The following ANKRD17 variants were observed in gnomAD, a reference collection of about 807,000 sequenced individuals.
ANKRD17 encodes ankyrin repeat domain-containing protein 17.
A neutral mutation model predicts 229.7 loss-of-function variants in ANKRD17; 19 were observed. The ratio of observed to expected loss-of-function variants is 0.08; its 90% CI spans 0.06 to 0.12. The LOEUF (loss-of-function observed/expected upper bound fraction) is 0.12, where lower values mean the gene tolerates loss of function less well. Ranked by LOEUF, ANKRD17 falls within the 10% of genes least tolerant of loss-of-function variation. ANKRD17 has a pLI of 1.00. For missense variants in ANKRD17, 2,176 were observed against 3,176.8 expected (o/e 0.68, Z 7.57); for synonymous variants, 1,112 against 1,146.1 (o/e 0.97, Z 0.60).
chr4:73,251,039 G>C (rs1042074226), intron 1 of ANKRD17, among the ~76,000 whole-genome samples: 1 of 152,076 alleles, frequency 6.6e-6, no homozygotes, highest in Admixed American at 6.6e-5. Flanking sequence ...GGGAGCCTGC[G>C]GCAGGAGGAT....
chr4:73,179,637 G>A (rs1272147642), intron 1 of ANKRD17, among the ~76,000 whole-genome samples: 1 of 150,262 alleles, frequency 6.7e-6, no homozygotes, highest in African/African-American at 2.4e-5. Context: ...GGGATTACAG[G>A]CACACACCAC....
chr4:73,144,606 C>G (rs1027279203), intron 11 of ANKRD17, 139 bp downstream of exon 11: 8 of 454,214 alleles, frequency 1.8e-5, no homozygotes, highest in African/African-American at 1.0e-4. Flanking sequence ...ATCAACTATC[C>G]ACTCAATCAT....
chr4:73,092,281 T>C lies in ANKRD17; in HGVS notation c.5347A>G (p.Arg1783Gly). ...ITIRGGTEST[R>G]QATQLINALI... ...GCATTAATCAATTGAGTTGCTTGTCTTGTTGATTCAGTGCCACCCCTATAA... is the reference window on the plus strand; with the variant it reads ...GCATTAATCAATTGAGTTGCTTGTCCTGTTGATTCAGTGCCACCCCTATAA... Residue 1783 changes from arginine to glycine, a missense_variant, in exon 29 of 34, where the codon AGA becomes GGA. Around this residue, in one of 18 missense-constraint regions of ANKRD17, gnomAD observed 142 missense variants for 200.4 expected, o/e 0.71. Coordinates refer to ENST00000358602, the MANE Select transcript of ANKRD17 (RefSeq NM_032217.5). The C allele has an allele frequency of 2.5e-6, 4 of 1,613,106 alleles. No homozygotes were observed. Among genetic ancestry groups the C allele is most frequent in the Non-Finnish European group, 3.4e-6 (4 of 1,179,530 alleles).
chr4:73,173,799 A>G (rs966155535), intron 2 of ANKRD17, among the ~76,000 whole-genome samples: 4 of 152,164 alleles, frequency 2.6e-5, no homozygotes, highest in Non-Finnish European at 5.9e-5. Flanking sequence ...GAGCCTTGTA[A>G]GCACACCCAG....
chr4:73,239,379 T>C (rs1055089135), intron 1 of ANKRD17, among the ~76,000 whole-genome samples: 1 of 152,196 alleles, frequency 6.6e-6, no homozygotes, highest in Admixed American at 6.5e-5. Context: ...AGCAGAACTT[T>C]GGATACAACC....
chr4:73,084,360 A>G (rs1721890967), intron 30 of ANKRD17, among the ~76,000 whole-genome samples: 1 of 152,168 alleles, frequency 6.6e-6, no homozygotes, highest in Admixed American at 6.5e-5. Flanking sequence ...AAAAGAAAGA[A>G]AGAAAATCTA....
At chr4:73,129,930 T>C (rs1727976718) in intron 16 of ANKRD17, among the ~76,000 whole-genome samples, 2 of 150,232 alleles carry the variant, frequency 1.3e-5, no homozygotes, top group African/African-American at 4.9e-5. Context: ...GCCTGGCTAA[T>C]TTTTTTTTGT....
At chr4:73,217,116 C>A (rs191318353) in intron 1 of ANKRD17, among the ~76,000 whole-genome samples, 1 of 152,264 alleles carries the variant, frequency 6.6e-6, no homozygotes, top group Non-Finnish European at 1.5e-5. Flanking sequence ...TGATGTAGAC[C>A]TTTTCTAATT....
intron 1 of ANKRD17, among the ~76,000 whole-genome samples, chr4:73,215,902 G>A (rs1740964974): frequency 6.6e-6 from 1 of 152,136 alleles, no homozygotes; most frequent in African/African-American, 2.4e-5. Context: ...ACAATAGACT[G>A]AATATGACAG....
rs919961535 is a variant in ANKRD17 at position 73,074,227 on chromosome 4, T to C, written c.*2004A>G. The C allele has an allele frequency of 1.3e-5, 2 of 151,890 alleles. No individual in the cohort carries two copies. Among genetic ancestry groups the C allele is most frequent in the African/African-American group, 4.8e-5 (2 of 41,414 alleles). 9.4% of individuals were successfully genotyped at this position (151,890 alleles called of 1,614,324 possible). ...AATACCTCACCTAAGAAATTCAGTATTGTGAAACAACACAACTCATGTGTT... is the reference window on the plus strand; with the variant it reads ...AATACCTCACCTAAGAAATTCAGTACTGTGAAACAACACAACTCATGTGTT... On this transcript the variant is annotated 3_prime_UTR_variant, in exon 34 of 34. Coordinates refer to ENST00000358602, the MANE Select transcript of ANKRD17 (RefSeq NM_032217.5).
At chr4:73,167,938 G>T (rs1560637910) in intron 2 of ANKRD17, among the ~76,000 whole-genome samples, 1 of 151,864 alleles carries the variant, frequency 6.6e-6, no homozygotes, top group Non-Finnish European at 1.5e-5. Context: ...GGATCACGAG[G>T]TCAGGAGATC....
At chr4:73,223,943 A>C (rs2149217724) in intron 1 of ANKRD17, among the ~76,000 whole-genome samples, 1 of 152,272 alleles carries the variant, frequency 6.6e-6, no homozygotes, top group South Asian at 2.1e-4. Flanking sequence ...TTTGAATATG[A>C]AAAAATGCAC....
intron 1 of ANKRD17, among the ~76,000 whole-genome samples, chr4:73,217,786 C>T (rs1441311603): frequency 2.0e-5 from 3 of 152,268 alleles, no homozygotes; most frequent in African/African-American, 7.2e-5. Context: ...AAAAAAATTG[C>T]ATAAAACTAC....
At chr4:73,134,342 G>C (rs745950535) in intron 16 of ANKRD17, among the ~76,000 whole-genome samples, 28 of 152,042 alleles carry the variant, frequency 1.8e-4, no homozygotes, top group Non-Finnish European at 3.8e-4. Context: ...ACACACCCCA[G>C]GTACCATCAA....
At chr4:73,085,826 T>TA (rs71711863) in intron 29 of ANKRD17, among the ~76,000 whole-genome samples, 61,672 of 143,050 alleles carry the variant, frequency 0.43, 13,104 homozygotes, top group Admixed American at 0.52. Flanking sequence ...TACAAAAAAT[T>TA]AAAAAAAAAA....
chr4:73,227,680 T>C (rs1157023332), intron 1 of ANKRD17, among the ~76,000 whole-genome samples: 1 of 151,884 alleles, frequency 6.6e-6, no homozygotes, highest in African/African-American at 2.4e-5. Context: ...AAACCTCTCA[T>C]AAAAAGAAGG....
chr4:73,195,532 CAG>C (rs1737737030), intron 1 of ANKRD17, among the ~76,000 whole-genome samples: 9 of 151,624 alleles, frequency 5.9e-5, no homozygotes, highest in African/African-American at 2.2e-4. Flanking sequence ...TTCTTTGAGA[CAG>C]AGTCTCACTC....
chr4:73,099,286 T>C, intron 25 of ANKRD17: 1 of 547,388 alleles, frequency 1.8e-6, no homozygotes, highest in Non-Finnish European at 3.2e-6. Flanking sequence ...TCCTTCCACC[T>C]GCACCCTCAC....
intron 1 of ANKRD17, among the ~76,000 whole-genome samples, chr4:73,232,361 G>A (rs1305137270): frequency 6.6e-6 from 1 of 152,100 alleles, no homozygotes; most frequent in Non-Finnish European, 1.5e-5. Context: ...CGGATAAAAT[G>A]TCATCTTATT....
Sources: allele counts gnomAD v4.1 joint callset (sites outside exome capture counted in the v4.1 genomes callset), GRCh38; gene constraint gnomAD v4.1.1; regional missense constraint gnomAD v4.1.1; transcripts MANE v1.5; gene names NCBI Gene and HGNC (gene_info 2026-07-23, HGNC 2026-07-21).